Variants in CCDC178 observed in about 807,000 individuals in gnomAD.
CCDC178 encodes the protein coiled-coil domain-containing protein 178.
CCDC178 carries 126 observed loss-of-function variants against 117.4 expected under a neutral mutation model. The observed-to-expected ratio is 1.07, with a 90% CI of 0.93 to 1.24. The LOEUF (loss-of-function observed/expected upper bound fraction) is 1.24, where lower values mean the gene tolerates loss of function less well. CCDC178 is among the 50% of genes most tolerant of loss of function. The probability of loss-of-function intolerance (pLI) is 0.00; values close to 1 mark genes in which losing one functional copy is unlikely to be tolerated. For synonymous variants in CCDC178, 283 were observed against 313.4 expected, an observed-to-expected ratio of 0.90 and a Z score of 1.02; for missense variants, 1,030 against 986.9, an observed-to-expected ratio of 1.04 and a Z score of -0.59.
intron 20 of CCDC178, among the ~76,000 whole-genome samples, chr18:33,177,645 CTCTT>C (rs2058678718): frequency 6.6e-6 from 1 of 152,184 alleles, no homozygotes; most frequent in Non-Finnish European, 1.5e-5. Context: ...ACTAATTTCC[CTCTT>C]TCTAACACAA....
At chr18:33,153,019 GAA>G (rs11406493) in intron 20 of CCDC178, among the ~76,000 whole-genome samples, 1 of 146,234 alleles carries the variant, frequency 6.8e-6, no homozygotes, top group Admixed American at 6.8e-5. Context: ...TTAGACTTGT[GAA>G]AAAAAAAACA....
At chr18:33,122,633 C>T (rs1416500582) in intron 20 of CCDC178, among the ~76,000 whole-genome samples, 1 of 152,028 alleles carries the variant, frequency 6.6e-6, no homozygotes, top group Non-Finnish European at 1.5e-5. Context: ...AAACAAACAG[C>T]CATGGACAGA....
intron 20 of CCDC178, among the ~76,000 whole-genome samples, chr18:33,138,061 C>A (rs908394761): frequency 8.5e-5 from 13 of 152,154 alleles, no homozygotes; most frequent in Non-Finnish European, 1.6e-4. Flanking sequence ...AACCTAGTCT[C>A]ACATGAGTTC....
At chr18:33,349,176 A>T (rs2062937265) in intron 7 of CCDC178, among the ~76,000 whole-genome samples, 1 of 151,874 alleles carries the variant, frequency 6.6e-6, no homozygotes, top group South Asian at 2.1e-4. Flanking sequence ...TAAAAACTTA[A>T]AATTAGTTAC....
At chr18:33,056,227 G>C (rs2056827776) in intron 21 of CCDC178, among the ~76,000 whole-genome samples, 1 of 152,208 alleles carries the variant, frequency 6.6e-6, no homozygotes, top group Non-Finnish European at 1.5e-5. Flanking sequence ...CTTCATCTTA[G>C]TGGGGAGAGA....
At chr18:33,378,507 C>T (rs941727569) in intron 5 of CCDC178, among the ~76,000 whole-genome samples, 1 of 152,138 alleles carries the variant, frequency 6.6e-6, no homozygotes, top group Admixed American at 6.6e-5. Flanking sequence ...GCATGCTCAT[C>T]TTCTTCCAGT....
intron 20 of CCDC178, among the ~76,000 whole-genome samples, chr18:33,140,358 C>CG (rs1337933153): frequency 1.3e-5 from 2 of 151,930 alleles, no homozygotes; most frequent in Non-Finnish European, 2.9e-5. Context: ...ACTGTGTGCC[C>CG]GGAAAAGACA....
chr18:33,437,985 A>G (rs1443837008), intron 2 of CCDC178, among the ~76,000 whole-genome samples: 3 of 152,208 alleles, frequency 2.0e-5, no homozygotes, highest in African/African-American at 7.2e-5. Context: ...TAATATAAGG[A>G]TAAGTTTAAA....
intron 21 of CCDC178, among the ~76,000 whole-genome samples, chr18:32,986,335 A>T (rs2144728641): frequency 6.6e-6 from 1 of 152,188 alleles, no homozygotes; most frequent in East Asian, 1.9e-4. Context: ...CCTAGAGTAG[A>T]GCTGAGGACT....
rs370331842 is a variant in CCDC178 at position 33,323,669 on chromosome 18, T to G, written c.880-36A>C. 4.3e-5 allele frequency: 55 copies of G among 1,273,870 alleles called. 1 individual carries two copies. In the Middle Eastern group the frequency reaches 1.3e-3, roughly 29 times the overall value. The allele number at this position is 1,273,870 out of a possible 1,614,324, so 78.9% of individuals were successfully genotyped here. ...AAATATTTTTGCTTATATTTGCACT[T>G]AATGGTTAATTAAAAATAATAACTT... is the stretch of plus-strand genomic sequence containing the variant. On this transcript the variant is annotated intron_variant, in intron 10 of 22. Coordinates refer to ENST00000383096, the MANE Select transcript of CCDC178 (RefSeq NM_001105528.4).
intron 5 of CCDC178, among the ~76,000 whole-genome samples, chr18:33,371,896 G>A (rs2063306823): frequency 6.6e-6 from 1 of 151,624 alleles, no homozygotes; most frequent in Non-Finnish European, 1.5e-5. Context: ...ATCTTGATAA[G>A]GGCATGTTGG....
chr18:33,035,618 T>C (rs1285931617), intron 21 of CCDC178, among the ~76,000 whole-genome samples: 3 of 151,894 alleles, frequency 2.0e-5, no homozygotes, highest in African/African-American at 7.2e-5. Flanking sequence ...GGGCTGGGGA[T>C]TGGGAGAAAT....
chr18:33,219,362 G>A (rs2059204422), intron 18 of CCDC178, among the ~76,000 whole-genome samples: 1 of 152,142 alleles, frequency 6.6e-6, no homozygotes, highest in Non-Finnish European at 1.5e-5. Flanking sequence ...GTGGAAGACA[G>A]TGTGGCAATT....
intron 20 of CCDC178, among the ~76,000 whole-genome samples, chr18:33,120,600 T>C (rs1475211802): frequency 2.6e-5 from 4 of 152,104 alleles, no homozygotes; most frequent in Non-Finnish European, 5.9e-5. Flanking sequence ...CCAGCTGAGA[T>C]GCTTGCTGAG....
At chr18:33,359,201 AT>A (rs1234483010) in intron 6 of CCDC178, among the ~76,000 whole-genome samples, 1 of 151,838 alleles carries the variant, frequency 6.6e-6, no homozygotes, top group Admixed American at 6.6e-5. Flanking sequence ...GTTAGTAATA[AT>A]TAATAGTCTC....
chr18:33,013,505 T>A (rs569865356), intron 21 of CCDC178, among the ~76,000 whole-genome samples: 1 of 152,228 alleles, frequency 6.6e-6, no homozygotes, highest in Non-Finnish European at 1.5e-5. Flanking sequence ...TTCCATTTTA[T>A]ACTAAGAAGG....
At chr18:33,278,428 C>G (rs2059980551) in intron 12 of CCDC178, among the ~76,000 whole-genome samples, 1 of 151,262 alleles carries the variant, frequency 6.6e-6, no homozygotes, top group Admixed American at 6.6e-5. Context: ...TCCTTGATGC[C>G]CTCTTGTTTA....
chr18:33,363,544 C>T (rs1444020506), intron 6 of CCDC178, among the ~76,000 whole-genome samples: 1 of 152,024 alleles, frequency 6.6e-6, no homozygotes, highest in African/African-American at 2.4e-5. Context: ...AACCTGACAC[C>T]ATATGCTGAT....
At chr18:33,353,995 G>A (rs980076860) in intron 7 of CCDC178, among the ~76,000 whole-genome samples, 4 of 152,008 alleles carry the variant, frequency 2.6e-5, no homozygotes, top group East Asian at 3.9e-4. Flanking sequence ...ACACCCCTTT[G>A]GTTTATCTGA....
Sources: allele counts gnomAD v4.1 joint callset (sites outside exome capture counted in the v4.1 genomes callset), GRCh38; gene constraint gnomAD v4.1.1; transcripts MANE v1.5; gene names NCBI Gene and HGNC (gene_info 2026-07-23, HGNC 2026-07-21).